CCND3: variants seen among roughly 807,000 people sequenced by gnomAD.
CCND3 encodes the protein cyclin D3.
In CCND3, 9 loss-of-function variants were observed where a neutral mutation model predicts 28.7. The observed-to-expected ratio is 0.31, with a 90% CI of 0.19 to 0.55. CCND3 has a LOEUF of 0.55. Among genes scored for constraint, CCND3 ranks in the 20% least tolerant of loss-of-function variants. The pLI is 0.93. For synonymous variants in CCND3, 164 were observed against 163.9 expected (o/e 1.00, Z 0.00); for missense variants, 315 against 385.8 (o/e 0.82, Z 1.54).
chr6:41,937,494 T>G (rs1775845617), intron 2 of CCND3, 100 bp from the exon 3 acceptor site: 3 of 1,419,390 alleles, frequency 2.1e-6, no homozygotes, highest in Non-Finnish European at 2.9e-6. Flanking sequence ...CCCATCAAAC[T>G]TTTAAAGCCC....
Position 41,935,496 on chromosome 6 carries a change from T to C in CCND3, c.*444A>G, listed in dbSNP as rs1334142851. 2 of 295,618 alleles carry C rather than the reference T, an allele frequency of 6.8e-6. No homozygotes were observed. The highest frequency in any genetic ancestry group is 1.3e-5 in the Non-Finnish European group (2 of 157,600). 18.3% of individuals were successfully genotyped at this position (295,618 alleles called of 1,614,324 possible). A position where few individuals can be genotyped will look rare whatever the true frequency, so the allele number is the denominator to read the frequency against. On this transcript the variant is annotated 3_prime_UTR_variant, in exon 5 of 5. Coordinates refer to ENST00000372991, the MANE Select transcript of CCND3 (RefSeq NM_001760.5). ...CATCTAGACTATTCCCCCTCATATG[T>C]GTCTATCATGCATTAAATTTTAGAG...
chr6:41,950,344 A>G (rs1776272585), intron 1 of CCND3, among the ~76,000 whole-genome samples: 1 of 152,052 alleles, frequency 6.6e-6, no homozygotes, highest in Non-Finnish European at 1.5e-5. Flanking sequence ...TAGGCAGGAG[A>G]TAGCACTGGC....
At chr6:42,028,338 G>A (rs889479481) in intron 1 of CCND3, among the ~76,000 whole-genome samples, 11 of 152,198 alleles carry the variant, frequency 7.2e-5, no homozygotes, top group Non-Finnish European at 1.5e-4. Context: ...AGGGGAGAGA[G>A]AGGAGTGGGT....
intron 1 of CCND3, among the ~76,000 whole-genome samples, chr6:42,011,967 G>A (rs1057221080): frequency 2.0e-5 from 3 of 152,124 alleles, no homozygotes; most frequent in African/African-American, 7.2e-5. Context: ...TGTCAAATTC[G>A]GAGCATGATG....
Position 41,941,009 on chromosome 6 carries a change from G to A in CCND3, c.199-424C>T, listed in dbSNP as rs1300066415. On this transcript the variant is annotated intron_variant, in intron 1 of 4. Transcript: ENST00000372991. This position sits in a 1 kb window ranked among gnomAD's most constrained non-coding sequence, Gnocchi z 6.1. ...CTCCTGCACTTTTCATTTCCCTGTC[G>A]GCCGGAACAGGGCGCGCGCCACCCC... The A allele has an allele frequency of 6.2e-7, 1 of 1,612,144 alleles. No individual in the cohort carries two copies. The highest frequency in any genetic ancestry group is 1.1e-5 in the South Asian group (1 of 91,044).
At position 41,941,117 on chromosome 6, in the gene CCND3, C is replaced by A. The variant is rs1452445184; in HGVS notation, c.198+335G>T. The stretch of plus-strand genomic sequence containing the variant: ...GCGGCCGAGCCCAGGGTTTTCCAGG[C>A]GCGCTCTCCGGAGAAGGCCGGGAGG... On this transcript the variant is annotated intron_variant, in intron 1 of 4. Coordinates refer to ENST00000372991, the MANE Select transcript of CCND3 (RefSeq NM_001760.5). This position sits in a 1 kb window ranked among gnomAD's most constrained non-coding sequence, Gnocchi z 6.1. The A allele has an allele frequency of 1.5e-5, 23 of 1,511,660 alleles. No individual in the cohort carries two copies. The highest frequency in any genetic ancestry group is 2.0e-5 in the Non-Finnish European group (23 of 1,134,202). 93.6% of individuals were successfully genotyped at this position (1,511,660 alleles called of 1,614,324 possible).
intron 1 of CCND3, among the ~76,000 whole-genome samples, chr6:41,951,715 A>G (rs1375439986): frequency 6.6e-6 from 1 of 151,926 alleles, no homozygotes; most frequent in Non-Finnish European, 1.5e-5. Context: ...CAATAATAGT[A>G]ATAATACTAT....
intron 1 of CCND3, among the ~76,000 whole-genome samples, chr6:41,952,941 G>A (rs1776349118): frequency 6.6e-6 from 1 of 152,110 alleles, no homozygotes; most frequent in Admixed American, 6.6e-5. Flanking sequence ...TGTCAGGGTG[G>A]CCAATGACAG....
intron 1 of CCND3, among the ~76,000 whole-genome samples, chr6:41,961,900 C>G (rs1374318692): frequency 6.6e-6 from 1 of 152,162 alleles, no homozygotes. Context: ...TGACATCATT[C>G]TTTCTCAGCT....
chr6:42,045,229 A>G (rs1369021431), intron 1 of CCND3, among the ~76,000 whole-genome samples: 1 of 152,194 alleles, frequency 6.6e-6, no homozygotes, highest in African/African-American at 2.4e-5. Flanking sequence ...TGTTTGATAT[A>G]TTAGGAAAGT....
At position 41,995,771 on chromosome 6, in the gene CCND3, G is replaced by A. The variant is rs867837841; in HGVS notation, c.-46+52730C>T. Among the ~76,000 whole-genome samples, 10 of 151,874 alleles carry A rather than the reference G, an allele frequency of 6.6e-5. No homozygotes were observed. In the Middle Eastern group the frequency reaches 0.014, roughly 208 times the overall value. The stretch of plus-strand genomic sequence containing the variant: ...ACACGAGAGATAAAAATACATAAAC[G>A]ATCTGGGCACAGTGGCTCACGCCTG... On this transcript the variant is annotated intron_variant, in intron 1 of 4. Coordinates refer to the CCND3 transcript ENST00000372988.
At chr6:41,965,058 CTTTTTTTTTTTTTTTTTT>C (rs56138276) in intron 1 of CCND3, among the ~76,000 whole-genome samples, 1 of 82,094 alleles carries the variant, frequency 1.2e-5, no homozygotes, top group Non-Finnish European at 2.1e-5. Flanking sequence ...TTTCACGTTG[CTTTTTTTTTTTTTTTTTT>C]TTTTTTTTTT....
At position 41,964,457 on chromosome 6, in the gene CCND3, TGTGTGA is replaced by T. The variant is rs1178852286; in HGVS notation, c.-45-23878_-45-23873del. 1.7e-3 allele frequency among the ~76,000 whole-genome samples: 140 copies of T among 83,638 alleles called. 1 individual carries two copies. The East Asian group carries it at 0.03, about 18-fold the overall frequency. The allele number at this position is 83,638 out of a possible 152,430, so 54.9% of individuals were successfully genotyped here. A position where few individuals can be genotyped will look rare whatever the true frequency, so the allele number is the denominator to read the frequency against. ...GTGTATGTGTGAATGTGTGAGTCTG[TGTGTGA>T]GTGTGTGTGTGAGTGTGTGTGAATG... is the stretch of plus-strand genomic sequence containing the variant. On this transcript the variant is annotated intron_variant, in intron 1 of 4. Coordinates refer to the CCND3 transcript ENST00000372988.
chr6:42,019,142 T>G (rs185398671), intron 1 of CCND3, among the ~76,000 whole-genome samples: 63 of 152,218 alleles, frequency 4.1e-4, no homozygotes, highest in Admixed American at 2.0e-3. Context: ...ATTCAGTTTG[T>G]ATAATGTCAG....
At chr6:41,987,329 T>C (rs1762505167) in intron 1 of CCND3, among the ~76,000 whole-genome samples, 1 of 151,990 alleles carries the variant, frequency 6.6e-6, no homozygotes, top group Admixed American at 6.6e-5. Context: ...TTGCTTCCTA[T>C]TGAGAGGTAG....
intron 1 of CCND3, among the ~76,000 whole-genome samples, chr6:41,985,641 T>C (rs1328630949): frequency 0.021 from 1 of 48 alleles, no homozygotes; most frequent in African/African-American, 0.022. Flanking sequence ...TTTTTTTTTT[T>C]TTTTTTGAGA....
chr6:42,020,532 C>T (rs925711179), intron 1 of CCND3, among the ~76,000 whole-genome samples: 1 of 152,158 alleles, frequency 6.6e-6, no homozygotes, highest in Non-Finnish European at 1.5e-5. Context: ...AAGCAAGAAT[C>T]CCTGGCCTTG....
intron 1 of CCND3, among the ~76,000 whole-genome samples, chr6:41,949,448 T>A (rs1438019259): frequency 2.0e-5 from 3 of 152,060 alleles, no homozygotes; most frequent in Admixed American, 6.6e-5. Context: ...GAGGTTGCAG[T>A]GAGCCGAGAT....
At chr6:41,964,486 A>ATATG (rs541539176) in intron 1 of CCND3, among the ~76,000 whole-genome samples, 2 of 103,132 alleles carry the variant, frequency 1.9e-5, no homozygotes, top group East Asian at 4.1e-4. Context: ...GTGTGTGTGA[A>ATATG]TGTGTGTGTG....
Sources: allele counts gnomAD v4.1 joint callset (sites outside exome capture counted in the v4.1 genomes callset), GRCh38; gene constraint gnomAD v4.1.1; non-coding constraint Gnocchi (gnomAD v3.1); transcripts MANE v1.5; gene names NCBI Gene and HGNC (gene_info 2026-07-23, HGNC 2026-07-21).